DLC1: variants seen among roughly 807,000 people sequenced by gnomAD.
DLC1 encodes rho GTPase-activating protein 7.
DLC1 carries 54 observed loss-of-function variants against 140.3 expected under a neutral mutation model. The ratio of observed to expected loss-of-function variants is 0.38; its 90% CI spans 0.31 to 0.48. The LOEUF is 0.48. Among genes scored for constraint, DLC1 ranks in the 20% least tolerant of loss-of-function variants. The probability of loss-of-function intolerance (pLI) is 0.96; values close to 1 mark genes in which losing one functional copy is unlikely to be tolerated. For synonymous variants in DLC1, 986 were observed against 728.1 expected (o/e 1.35, Z -5.70); for missense variants, 2,536 against 1,907.0 (o/e 1.33, Z -6.14).
chr8:13,562,631 T>C (rs1160956524), intron 1 of DLC1, among the ~76,000 whole-genome samples: 1 of 152,154 alleles, frequency 6.6e-6, no homozygotes, highest in African/African-American at 2.4e-5. Flanking sequence ...AAATGTCATA[T>C]GTGTACTGCC....
chr8:13,225,619 T>A (rs535383171), intron 5 of DLC1, among the ~76,000 whole-genome samples: 96 of 138,042 alleles, frequency 7.0e-4, no homozygotes, highest in African/African-American at 2.8e-3. Flanking sequence ...TTATTTAATT[T>A]TTTTTTTTTT....
chr8:13,403,589 G>C (rs372422714), intron 2 of DLC1, among the ~76,000 whole-genome samples: 1 of 152,072 alleles, frequency 6.6e-6, no homozygotes, highest in Non-Finnish European at 1.5e-5. Flanking sequence ...CAAAGGAGTG[G>C]TTTAGTACAT....
At chr8:13,195,731 T>TGGTA (rs1827008613) in intron 5 of DLC1, among the ~76,000 whole-genome samples, 1 of 152,176 alleles carries the variant, frequency 6.6e-6, no homozygotes, top group South Asian at 2.1e-4. Flanking sequence ...TGGTGCCACA[T>TGGTA]TACCAAGTAA....
chr8:13,165,503 T>A (rs1299206792), intron 5 of DLC1, among the ~76,000 whole-genome samples: 1 of 152,224 alleles, frequency 6.6e-6, no homozygotes, highest in African/African-American at 2.4e-5. Flanking sequence ...AGTCACCTCA[T>A]GGTCCGTACT....
chr8:13,495,796 A>C (rs1801473828), intron 2 of DLC1, among the ~76,000 whole-genome samples: 1 of 152,212 alleles, frequency 6.6e-6, no homozygotes, highest in Non-Finnish European at 1.5e-5. Flanking sequence ...GATAATTTTT[A>C]TTAAAAGTAC....
chr8:13,115,620 T>C lies in DLC1; in HGVS notation c.1386A>G (p.Ala462=), dbSNP rs1204375684. Residue 462 remains alanine (A), a synonymous_variant, in exon 6 of 18, where the codon GCA becomes GCG. Transcript: ENST00000276297. ...EAKEACDWLR[A]TGFPQYAQLY... ...GCTGTGCATACTGGGGGAAACCAGT[T>C]GCCCGTAGCCAATCACAAGCTTCCT... The C allele has an allele frequency of 1.2e-6, 2 of 1,614,078 alleles. No individual in the cohort carries two copies. Among genetic ancestry groups the C allele is most frequent in the Non-Finnish European group, 1.7e-6 (2 of 1,179,980 alleles).
intron 4 of DLC1, among the ~76,000 whole-genome samples, chr8:13,384,630 T>C (rs1473891642): frequency 6.6e-6 from 1 of 151,170 alleles, no homozygotes; most frequent in Non-Finnish European, 1.5e-5. Flanking sequence ...TGTCCAATGA[T>C]CTACCTAAAA....
intron 1 of DLC1, among the ~76,000 whole-genome samples, chr8:13,541,738 A>T (rs1803491201): frequency 6.6e-6 from 1 of 152,072 alleles, no homozygotes; most frequent in Non-Finnish European, 1.5e-5. Context: ...TTTAGTAGAG[A>T]TGGGGTTTCA....
At chr8:13,151,851 T>C (rs1272351015) in intron 5 of DLC1, among the ~76,000 whole-genome samples, 1 of 152,212 alleles carries the variant, frequency 6.6e-6, no homozygotes, top group East Asian at 1.9e-4. Flanking sequence ...TTTACATTTA[T>C]TGTCGGTAAA....
intron 5 of DLC1, among the ~76,000 whole-genome samples, chr8:13,196,930 A>C (rs1241036437): frequency 6.6e-6 from 1 of 152,180 alleles, no homozygotes; most frequent in African/African-American, 2.4e-5. Flanking sequence ...AACTTTCTAC[A>C]GTTTATTTTT....
At chr8:13,382,695 A>G (rs889629409) in intron 4 of DLC1, among the ~76,000 whole-genome samples, 1 of 152,142 alleles carries the variant, frequency 6.6e-6, no homozygotes, top group Non-Finnish European at 1.5e-5. Flanking sequence ...TCAAGAAAAT[A>G]TGGTCTCAAA....
rs771695663 is a variant in DLC1 at position 13,113,131 on chromosome 8, C to A, written c.1421-2308G>T. ...GTGTAAGAATTAAATCAGTAATTTT[C>A]TTTTATTTGCCTGGACTCCTTTCTG... On this transcript the variant is annotated intron_variant, in intron 6 of 17. Coordinates refer to ENST00000276297, the MANE Select transcript of DLC1 (RefSeq NM_182643.3). Among the ~76,000 whole-genome samples, 5 of 152,282 alleles carry A rather than the reference C, an allele frequency of 3.3e-5. 1 individual carries two copies. In the Middle Eastern group the frequency reaches 0.014, roughly 414 times the overall value.
chr8:13,599,001 C>G (rs1805775179), intron 1 of DLC1, among the ~76,000 whole-genome samples: 1 of 151,752 alleles, frequency 6.6e-6, no homozygotes, highest in African/African-American at 2.4e-5. Context: ...TTAATTGTTT[C>G]TGTAACTTAA....
chr8:13,559,381 A>C (rs1309721891), intron 1 of DLC1: 4 of 152,230 alleles, frequency 2.6e-5, no homozygotes, highest in Non-Finnish European at 5.9e-5. Context: ...TTTTTGGAAA[A>C]TGCCTATCTA....
intron 1 of DLC1, among the ~76,000 whole-genome samples, chr8:13,556,506 C>T (rs967875522): frequency 6.6e-6 from 1 of 152,170 alleles, no homozygotes; most frequent in Non-Finnish European, 1.5e-5. Context: ...AGGTGCCTTC[C>T]TGGTACACTG....
chr8:13,364,719 AT>A (rs1262820040), intron 4 of DLC1, among the ~76,000 whole-genome samples: 1 of 152,210 alleles, frequency 6.6e-6, no homozygotes, highest in Non-Finnish European at 1.5e-5. Flanking sequence ...GATTTTTAAA[AT>A]TATCACATGC....
intron 2 of DLC1, among the ~76,000 whole-genome samples, chr8:13,454,090 G>T (rs1245460758): frequency 1.3e-5 from 2 of 152,106 alleles, no homozygotes; most frequent in Admixed American, 1.3e-4. Context: ...AAAAGAAAAA[G>T]AGTGTAGTTA....
At chr8:13,295,743 G>A (rs1228953716) in intron 5 of DLC1, among the ~76,000 whole-genome samples, 1 of 152,104 alleles carries the variant, frequency 6.6e-6, no homozygotes, top group Non-Finnish European at 1.5e-5. Context: ...TGAGGTCAAA[G>A]TAATAGCTTG....
At position 13,198,764 on chromosome 8, in the gene DLC1, C is replaced by A. The variant is rs117122449; in HGVS notation, c.1349-83107G>T. On this transcript the variant is annotated intron_variant, in intron 5 of 17. Coordinates refer to ENST00000276297, the MANE Select transcript of DLC1 (RefSeq NM_182643.3). ...ATGGAGTCTCGCTCTGTCACCCAGG[C>A]TGGAGAACAGTGTGCGATCTTGGCT... Among the ~76,000 whole-genome samples, 118 of 151,124 alleles carry A rather than the reference C, an allele frequency of 7.8e-4. 1 individual carries two copies. The highest frequency in any genetic ancestry group is 5.4e-3 in the Admixed American group (82 of 15,144).
Sources: allele counts gnomAD v4.1 joint callset (sites outside exome capture counted in the v4.1 genomes callset), GRCh38; gene constraint gnomAD v4.1.1; transcripts MANE v1.5; gene names NCBI Gene and HGNC (gene_info 2026-07-23, HGNC 2026-07-21).